COG5: variants seen among roughly 807,000 people sequenced by gnomAD.
The protein encoded by COG5 is conserved oligomeric Golgi complex subunit 5.
In COG5, 86 loss-of-function variants were observed where a neutral mutation model predicts 110.4. That is an observed-to-expected ratio of 0.78 (90% CI 0.65 to 0.93). The LOEUF (loss-of-function observed/expected upper bound fraction) is 0.93. Ranked by LOEUF, COG5 falls within the 40% of genes least tolerant of loss-of-function variation. The pLI is 0.00. For missense variants in COG5, 1,077 were observed against 987.0 expected, an observed-to-expected ratio of 1.09 and a Z score of -1.22; for synonymous variants, 360 against 334.6, an observed-to-expected ratio of 1.08 and a Z score of -0.83.
At chr7:107,434,207 G>T (rs1310576364) in intron 6 of COG5, among the ~76,000 whole-genome samples, 1 of 152,158 alleles carries the variant, frequency 6.6e-6, no homozygotes, top group Non-Finnish European at 1.5e-5. Flanking sequence ...GAACCTTTGT[G>T]CATTGTGTCT....
At chr7:107,377,144 G>C (rs75203426) in intron 7 of COG5, among the ~76,000 whole-genome samples, 23,729 of 152,048 alleles carry the variant, frequency 0.16, 2,310 homozygotes, top group Non-Finnish European at 0.22. Flanking sequence ...CATAACACTG[G>C]TTTATTTATT....
In COG5 at chr7:107,349,547, C is replaced by T. The variant is rs759930207; in HGVS notation, c.1026+12486G>A. ...TCCAGAGTAGCTGGGACTACAGGCA[C>T]GTGCCATCATGCTTGGCTTTTTTTT... is the stretch of plus-strand genomic sequence containing the variant. On this transcript the variant is annotated intron_variant, in intron 10 of 21. Coordinates refer to ENST00000297135, the MANE Select transcript of COG5 (RefSeq NM_006348.5). Among the ~76,000 whole-genome samples the T allele has an allele frequency of 3.1e-4, 46 of 149,112 alleles. 3 individuals carry two copies. The highest frequency in any genetic ancestry group is 2.7e-3 in the Admixed American group (40 of 14,976).
intron 6 of COG5, chr7:107,480,751 A>G (rs1563058853): frequency 2.0e-5 from 3 of 152,292 alleles, no homozygotes. Context: ...TAAATATTAA[A>G]TATTACAATT....
At chr7:107,426,607 T>C (rs899966107) in intron 6 of COG5, among the ~76,000 whole-genome samples, 2 of 152,102 alleles carry the variant, frequency 1.3e-5, no homozygotes, top group Non-Finnish European at 2.9e-5. Context: ...AAGACACTAA[T>C]AGCATTCATA....
At chr7:107,279,200 C>G (rs977260475) in intron 14 of COG5, among the ~76,000 whole-genome samples, 10 of 152,142 alleles carry the variant, frequency 6.6e-5, no homozygotes, top group Non-Finnish European at 1.3e-4. Context: ...CTAATCATCA[C>G]TGGTCATTAG....
chr7:107,365,767 A>G (rs1261567547), intron 8 of COG5, among the ~76,000 whole-genome samples: 1 of 152,122 alleles, frequency 6.6e-6, no homozygotes, highest in African/African-American at 2.4e-5. Flanking sequence ...GAAATGGCTT[A>G]AATAGCTTTA....
At chr7:107,354,607 C>A (rs906371742) in intron 10 of COG5, among the ~76,000 whole-genome samples, 1 of 151,912 alleles carries the variant, frequency 6.6e-6, no homozygotes, top group Non-Finnish European at 1.5e-5. Context: ...ACCTAGGAGG[C>A]GGAGGTTGCA....
chr7:107,231,048 T>C (rs1354055938), intron 18 of COG5, among the ~76,000 whole-genome samples: 2 of 152,218 alleles, frequency 1.3e-5, no homozygotes, highest in Non-Finnish European at 2.9e-5. Context: ...ACATTCAATA[T>C]AAATGATGAC....
intron 6 of COG5, among the ~76,000 whole-genome samples, chr7:107,509,424 G>T (rs1240149371): frequency 6.6e-6 from 1 of 152,194 alleles, no homozygotes; most frequent in Non-Finnish European, 1.5e-5. Flanking sequence ...ACGTCTGATT[G>T]GTGTACCTGA....
intron 21 of COG5, among the ~76,000 whole-genome samples, chr7:107,206,939 C>T (rs946750035): frequency 2.6e-5 from 4 of 152,116 alleles, no homozygotes; most frequent in African/African-American, 9.7e-5. Flanking sequence ...TTAGTCTTAA[C>T]TCTGGTTTGT....
At chr7:107,311,971 G>A (rs1808312143) in intron 11 of COG5, among the ~76,000 whole-genome samples, 1 of 151,898 alleles carries the variant, frequency 6.6e-6, no homozygotes, top group Non-Finnish European at 1.5e-5. Context: ...TATTTCATAT[G>A]TAATTGTTTG....
At chr7:107,216,115 T>A (rs565652184) in intron 19 of COG5, among the ~76,000 whole-genome samples, 2 of 152,114 alleles carry the variant, frequency 1.3e-5, no homozygotes, top group Admixed American at 1.3e-4. Context: ...TATCCCTTTA[T>A]CAGACAAAAT....
At chr7:107,246,073 C>T (rs1484168939) in intron 17 of COG5, among the ~76,000 whole-genome samples, 1 of 152,080 alleles carries the variant, frequency 6.6e-6, no homozygotes, top group Non-Finnish European at 1.5e-5. Flanking sequence ...CATCTGTGAC[C>T]ATCTGATCTT....
chr7:107,490,115 T>C (rs1204506532), intron 6 of COG5, among the ~76,000 whole-genome samples: 1 of 152,216 alleles, frequency 6.6e-6, no homozygotes, highest in African/African-American at 2.4e-5. Flanking sequence ...GGAATGATTA[T>C]GATTTCTCAC....
chr7:107,527,339 G>C lies in COG5; in HGVS notation c.436C>G (p.Arg146Gly). The C allele has an allele frequency of 6.2e-7, 1 of 1,613,220 alleles. No homozygotes were observed. The highest frequency in any genetic ancestry group is 1.1e-5 in the South Asian group (1 of 91,036). The change falls in exon 6 of 22, where the codon CGG (arginine) becomes GGG (glycine). Residue 146 changes from arginine (R) to glycine (G), a missense_variant. By Grantham distance (125) the Arg-to-Gly change is moderately radical. Coordinates refer to ENST00000297135, the MANE Select transcript of COG5 (RefSeq NM_006348.5). ...AGATTCAAGATACGAATAATCCTCC[G>C]AAGCAAATCACAGGCAACCTGTGCA... ...ARLQVACDLL[R>G]RIIRILNLSK...
intron 8 of COG5, among the ~76,000 whole-genome samples, chr7:107,369,178 T>A (rs1001906880): frequency 1.3e-5 from 2 of 152,180 alleles, no homozygotes; most frequent in African/African-American, 4.8e-5. Context: ...GCAAAAACAA[T>A]TTAATATGGT....
intron 7 of COG5, among the ~76,000 whole-genome samples, chr7:107,397,287 G>A (rs966132486): frequency 6.6e-6 from 1 of 152,090 alleles, no homozygotes; most frequent in Non-Finnish European, 1.5e-5. Flanking sequence ...AATGGCTACC[G>A]GCATGACAGC....
chr7:107,507,733 T>C (rs1799135509), intron 6 of COG5, among the ~76,000 whole-genome samples: 1 of 152,156 alleles, frequency 6.6e-6, no homozygotes, highest in African/African-American at 2.4e-5. Context: ...CTTTCATCTA[T>C]ACATAAGTGA....
At chr7:107,335,812 G>C (rs1478641808) in intron 10 of COG5, among the ~76,000 whole-genome samples, 1 of 151,778 alleles carries the variant, frequency 6.6e-6, no homozygotes, top group Non-Finnish European at 1.5e-5. Flanking sequence ...AAAAAGAGCA[G>C]GAAAAACTAT....
Sources: gnomAD v4.1 joint callset for allele counts (sites outside exome capture counted in the v4.1 genomes callset) on GRCh38, gnomAD v4.1.1 for gene constraint, MANE v1.5 for transcripts, NCBI Gene and HGNC (gene_info 2026-07-23, HGNC 2026-07-21) for gene names.